Variants in GUCY1A2 observed in about 807,000 individuals in gnomAD.
GUCY1A2 encodes guanylate cyclase 1 soluble subunit alpha 2, also known as guanylate cyclase soluble subunit alpha-2.
GUCY1A2 carries 27 observed loss-of-function variants against 63.5 expected under a neutral mutation model. The ratio of observed to expected loss-of-function variants is 0.43; its 90% CI spans 0.31 to 0.59. The LOEUF (loss-of-function observed/expected upper bound fraction) is 0.59. Among genes scored for constraint, GUCY1A2 ranks in the 20% least tolerant of loss-of-function variants. The pLI, the probability that GUCY1A2 is intolerant of heterozygous loss-of-function variation, is 0.11. For synonymous variants in GUCY1A2, 364 were observed against 343.5 expected, an observed-to-expected ratio of 1.06 and a Z score of -0.66; for missense variants, 768 against 913.3, an observed-to-expected ratio of 0.84 and a Z score of 2.05.
intron 3 of GUCY1A2, among the ~76,000 whole-genome samples, chr11:106,974,235 A>G (rs531569230): frequency 6.6e-6 from 1 of 152,254 alleles, no homozygotes; most frequent in South Asian, 2.1e-4. Flanking sequence ...TAATGGCAGA[A>G]GTTATTTATT....
chr11:106,940,391 G>T (rs1166674450), intron 3 of GUCY1A2, among the ~76,000 whole-genome samples: 1 of 152,122 alleles, frequency 6.6e-6, no homozygotes, highest in Non-Finnish European at 1.5e-5. Context: ...AAATGTTAAT[G>T]AACATGAACC....
In GUCY1A2 at chr11:107,018,207, G is replaced by T. The variant is rs1392046807; in HGVS notation, c.-152C>A. The T allele has an allele frequency of 2.1e-5, 5 of 236,168 alleles. No homozygotes were observed. Among genetic ancestry groups the T allele is most frequent in the Non-Finnish European group, 3.9e-5 (5 of 129,200 alleles). The allele number at this position is 236,168 out of a possible 1,614,324, so 14.6% of individuals were successfully genotyped here. ...GCCCGGCGGGGCGGGAGTCCCCGGG[G>T]CCGCGGAGCCCCCCGAGCCGGCTGC... On this transcript the variant is annotated 5_prime_UTR_variant, in exon 1 of 8. Transcript: ENST00000526355.
intron 2 of GUCY1A2, among the ~76,000 whole-genome samples, chr11:106,980,868 C>T (rs1199587468): frequency 3.7e-5 from 1 of 26,694 alleles, no homozygotes; most frequent in Non-Finnish European, 7.0e-5. Flanking sequence ...AGATGTTAAA[C>T]ACAGGCAACC....
At chr11:106,753,899 G>C (rs1349030034) in intron 6 of GUCY1A2, among the ~76,000 whole-genome samples, 1 of 151,986 alleles carries the variant, frequency 6.6e-6, no homozygotes, top group South Asian at 2.1e-4. Context: ...AAGAAAGTCA[G>C]TGGTAGCTTG....
intron 1 of GUCY1A2, among the ~76,000 whole-genome samples, chr11:107,003,234 A>G (rs1861631883): frequency 6.6e-6 from 1 of 152,144 alleles, no homozygotes. Flanking sequence ...TCTTTATCTC[A>G]GTTGCAGGAT....
chr11:106,872,167 C>G (rs1164551799), intron 4 of GUCY1A2, among the ~76,000 whole-genome samples: 1 of 152,004 alleles, frequency 6.6e-6, no homozygotes, highest in Non-Finnish European at 1.5e-5. Context: ...TTAAATTGAA[C>G]AAGAATAAAT....
chr11:106,826,969 C>T (rs1460322372), intron 4 of GUCY1A2: 31 of 1,610,292 alleles, frequency 1.9e-5, no homozygotes, highest in Non-Finnish European at 2.2e-5. Context: ...GAAATCGCAG[C>T]CATATATCTT....
chr11:106,733,708 C>CTGAT (rs10683211), intron 6 of GUCY1A2, among the ~76,000 whole-genome samples: 42,198 of 151,572 alleles, frequency 0.28, 6,083 homozygotes, highest in Non-Finnish European at 0.31. Context: ...GCCAGGGGAA[C>CTGAT]TGATTGGAAC....
At chr11:106,835,764 TGTG>T (rs937720132) in intron 4 of GUCY1A2, among the ~76,000 whole-genome samples, 7 of 151,936 alleles carry the variant, frequency 4.6e-5, no homozygotes, top group Admixed American at 3.9e-4. Flanking sequence ...GTCATCCTAG[TGTG>T]GTACACTCAG....
intron 4 of GUCY1A2, among the ~76,000 whole-genome samples, chr11:106,934,936 A>C (rs944899950): frequency 2.0e-5 from 3 of 152,186 alleles, no homozygotes; most frequent in African/African-American, 7.2e-5. Context: ...TTTATTTTGG[A>C]AGTTACTGCA....
chr11:106,978,372 T>C (rs1861290187), intron 3 of GUCY1A2, among the ~76,000 whole-genome samples: 2 of 152,204 alleles, frequency 1.3e-5, no homozygotes, highest in Non-Finnish European at 2.9e-5. Context: ...CATGTGAATA[T>C]CTGAAATTGT....
At position 106,679,142 on chromosome 11, in the gene GUCY1A2, TA is replaced by T; in HGVS notation, c.*8406del. ...TCTTTTTCTAACTGATAATTTTGAT[TA>T]AAAATTGCTCAGGTTTGTTCCCTCC... On this transcript the variant is annotated 3_prime_UTR_variant, in exon 8 of 8. Coordinates refer to ENST00000526355, the MANE Select transcript of GUCY1A2 (RefSeq NM_000855.3). 5.4e-6 allele frequency: 1 copy of T among 185,660 alleles called. No homozygotes were observed. The allele number at this position is 185,660 out of a possible 1,614,324, so 11.5% of individuals were successfully genotyped here. A position where few individuals can be genotyped will look rare whatever the true frequency, so the allele number is the denominator to read the frequency against.
intron 4 of GUCY1A2, among the ~76,000 whole-genome samples, chr11:106,848,196 A>C (rs563220901): frequency 1.6e-4 from 24 of 151,180 alleles, no homozygotes; most frequent in African/African-American, 5.3e-4. Context: ...TTATTTTTGC[A>C]ATTAGAGCTA....
At chr11:106,717,875 A>G (rs1274036784) in intron 6 of GUCY1A2, among the ~76,000 whole-genome samples, 1 of 152,178 alleles carries the variant, frequency 6.6e-6, no homozygotes, top group African/African-American at 2.4e-5. Context: ...TTAATAATCA[A>G]TATTTTTCTG....
chr11:106,977,693 T>C (rs1861280312), intron 3 of GUCY1A2, among the ~76,000 whole-genome samples: 2 of 151,922 alleles, frequency 1.3e-5, no homozygotes, highest in Non-Finnish European at 2.9e-5. Flanking sequence ...CCAGGGAAAA[T>C]ACTATAAAGG....
chr11:106,884,181 C>CAA (rs1426106844), intron 4 of GUCY1A2, among the ~76,000 whole-genome samples: 1 of 151,066 alleles, frequency 6.6e-6, no homozygotes, highest in African/African-American at 2.4e-5. Flanking sequence ...TGGAGTATAA[C>CAA]AAAAAAAAGA....
chr11:106,762,492 T>TG (rs1433168005), intron 6 of GUCY1A2, among the ~76,000 whole-genome samples: 1 of 152,096 alleles, frequency 6.6e-6, no homozygotes, highest in Admixed American at 6.6e-5. Flanking sequence ...ATAAAACAGT[T>TG]ATAGTTCAAG....
chr11:106,899,805 C>A (rs902837674), intron 4 of GUCY1A2, among the ~76,000 whole-genome samples: 1 of 152,102 alleles, frequency 6.6e-6, no homozygotes, highest in African/African-American at 2.4e-5. Flanking sequence ...GAATCTATGG[C>A]CGGGCACGGT....
intron 3 of GUCY1A2, among the ~76,000 whole-genome samples, chr11:106,945,233 T>C (rs1487807208): frequency 6.6e-6 from 1 of 151,822 alleles, no homozygotes; most frequent in East Asian, 1.9e-4. Flanking sequence ...AATTTACTTT[T>C]CATCTGCAAC....
Sources: allele counts gnomAD v4.1 joint callset (sites outside exome capture counted in the v4.1 genomes callset), GRCh38; gene constraint gnomAD v4.1.1; transcripts MANE v1.5; gene names NCBI Gene and HGNC (gene_info 2026-07-23, HGNC 2026-07-21).